Variants in FARS2 observed in about 807,000 individuals in gnomAD.
The protein encoded by FARS2 is phenylalanyl-tRNA synthetase 2, mitochondrial.
In FARS2, 40 loss-of-function variants were observed where a neutral mutation model predicts 46.4. The observed-to-expected ratio is 0.86, with a 90% CI of 0.67 to 1.12. The LOEUF is 1.12. FARS2 is among the 50% of genes most tolerant of loss of function. The pLI, the probability that FARS2 is intolerant of heterozygous loss-of-function variation, is 0.00. For missense variants in FARS2, 513 were observed against 567.9 expected (o/e 0.90, Z 0.98); for synonymous variants, 234 against 214.9 (o/e 1.09, Z -0.78).
intron 1 of FARS2, among the ~76,000 whole-genome samples, chr6:5,267,148 GT>G (rs1428185582): frequency 1.3e-5 from 1 of 79,988 alleles, no homozygotes; most frequent in Non-Finnish European, 2.2e-5. Flanking sequence ...ATTTCTAGAG[GT>G]TTTTTTTCTT....
At chr6:5,263,814 A>C (rs1279306609) in intron 1 of FARS2, among the ~76,000 whole-genome samples, 1 of 152,260 alleles carries the variant, frequency 6.6e-6, no homozygotes, top group Non-Finnish European at 1.5e-5. Context: ...AAATTTCTCT[A>C]ATCATAATAA....
chr6:5,255,388 T>C, the FARS2 span, among the ~76,000 whole-genome samples: 5 of 152,334 alleles, frequency 3.3e-5, no homozygotes, highest in South Asian at 1.0e-3. Flanking sequence ...AGACTTGCAC[T>C]AGTGTCAAAC....
intron 6 of FARS2, among the ~76,000 whole-genome samples, chr6:5,647,671 C>A (rs981104968): frequency 2.6e-5 from 4 of 152,174 alleles, no homozygotes; most frequent in African/African-American, 7.2e-5. Context: ...AAGCACCACA[C>A]CTTGAAATCA....
chr6:5,296,281 G>A (rs574854579), intron 1 of FARS2, among the ~76,000 whole-genome samples: 12 of 151,546 alleles, frequency 7.9e-5, no homozygotes, highest in South Asian at 6.3e-4. Context: ...AGCTGGGACT[G>A]CAGGTGCCCA....
At chr6:5,680,421 A>G (rs1328531535) in intron 6 of FARS2, among the ~76,000 whole-genome samples, 1 of 152,228 alleles carries the variant, frequency 6.6e-6, no homozygotes, top group African/African-American at 2.4e-5. Context: ...GATTTCTGGT[A>G]GGCATCTCTA....
chr6:5,422,378 C>T (rs550213575), intron 3 of FARS2, among the ~76,000 whole-genome samples: 1 of 149,524 alleles, frequency 6.7e-6, no homozygotes, highest in South Asian at 2.1e-4. Flanking sequence ...CTCTCTCTCT[C>T]TTTTTTTTTT....
chr6:5,255,329 G>C, the FARS2 span, among the ~76,000 whole-genome samples: 1 of 152,172 alleles, frequency 6.6e-6, no homozygotes, highest in Non-Finnish European at 1.5e-5. Flanking sequence ...ATTGTAGATA[G>C]CAACAAATAT....
intron 5 of FARS2, among the ~76,000 whole-genome samples, chr6:5,585,188 CAA>C: frequency 6.6e-6 from 1 of 152,020 alleles, no homozygotes; most frequent in East Asian, 1.9e-4. Flanking sequence ...ATTTAATTGA[CAA>C]AAATTTATAT....
chr6:5,687,256 G>A (rs1038372021), intron 6 of FARS2, among the ~76,000 whole-genome samples: 2 of 152,192 alleles, frequency 1.3e-5, no homozygotes, highest in African/African-American at 4.8e-5. Context: ...TGGTGTTTTA[G>A]ACACGAAGTC....
At chr6:5,516,528 AC>A (rs1466859411) in intron 4 of FARS2, among the ~76,000 whole-genome samples, 1 of 152,236 alleles carries the variant, frequency 6.6e-6, no homozygotes, top group Non-Finnish European at 1.5e-5. Context: ...GAACCTGGGC[AC>A]CTTTCTGATT....
rs1554184676 is a variant in FARS2, at chr6:5,432,527, A to ATATAT, written c.904+1356_904+1357insATATT. On this transcript the variant is annotated intron_variant, in intron 4 of 6. Transcript: ENST00000274680. ...TTTTATATCCCAATCATATATATATATTTTTTTTTTTCAGAGTATAAATCC... is the reference window on the plus strand; with the variant it reads ...TTTTATATCCCAATCATATATATATATATATTTTTTTTTTTTCAGAGTATAAATCC... 2.1e-3 allele frequency among the ~76,000 whole-genome samples: 103 copies of ATATAT among 49,390 alleles called. 1 individual carries two copies. Among genetic ancestry groups the ATATAT allele is most frequent in the Middle Eastern group, 0.016 (2 of 124 alleles). The allele number at this position is 49,390 out of a possible 152,430, so 32.4% of individuals were successfully genotyped here. A position where few individuals can be genotyped will look rare whatever the true frequency, so the allele number is the denominator to read the frequency against.
At chr6:5,478,387 C>T (rs1400638889) in intron 4 of FARS2, among the ~76,000 whole-genome samples, 1 of 152,200 alleles carries the variant, frequency 6.6e-6, no homozygotes, top group Non-Finnish European at 1.5e-5. Flanking sequence ...TATCTGATCT[C>T]ATCCTGACAG....
chr6:5,260,842 G>T, upstream of FARS2: 1 of 1,506,178 alleles, frequency 6.6e-7, no homozygotes, highest in South Asian at 1.2e-5. Flanking sequence ...AAAATGCTGC[G>T]GCTCGGCTTT....
At chr6:5,414,811 GTTTTTTTTTTTT>G (rs35210878) in intron 3 of FARS2, among the ~76,000 whole-genome samples, 1 of 86,680 alleles carries the variant, frequency 1.2e-5, no homozygotes, top group Non-Finnish European at 2.1e-5. Flanking sequence ...GTATATGACT[GTTTTTTTTTTTT>G]TTTTTTTTTT....
intron 4 of FARS2, among the ~76,000 whole-genome samples, chr6:5,483,522 C>G (rs909488560): frequency 6.6e-6 from 1 of 152,052 alleles, no homozygotes; most frequent in African/African-American, 2.4e-5. Context: ...CAAAAATTAA[C>G]CAAGCTTGAT....
At chr6:5,445,937 C>T (rs544584975) in intron 4 of FARS2, among the ~76,000 whole-genome samples, 1 of 152,272 alleles carries the variant, frequency 6.6e-6, no homozygotes, top group Non-Finnish European at 1.5e-5. Context: ...CGGTGGCTCA[C>T]GCCTGTAATC....
intron 4 of FARS2, among the ~76,000 whole-genome samples, chr6:5,476,507 G>A (rs974447765): frequency 6.6e-6 from 1 of 151,718 alleles, no homozygotes; most frequent in Non-Finnish European, 1.5e-5. Context: ...GAAGAGTATC[G>A]GTAGGTGACC....
chr6:5,546,509 C>T (rs536473196), intron 5 of FARS2, among the ~76,000 whole-genome samples: 152 of 150,508 alleles, frequency 1.0e-3, no homozygotes, highest in African/African-American at 3.5e-3. Context: ...CTTGGCCTCC[C>T]GAAGTGCTGG....
intron 6 of FARS2, among the ~76,000 whole-genome samples, chr6:5,679,509 C>T (rs1778924808): frequency 6.6e-6 from 1 of 152,146 alleles, no homozygotes; most frequent in Non-Finnish European, 1.5e-5. Context: ...CCTCCATCAC[C>T]CCTCTGTCAA....
Sources: gnomAD v4.1 joint callset for allele counts (sites outside exome capture counted in the v4.1 genomes callset) on GRCh38, gnomAD v4.1.1 for gene constraint, MANE v1.5 for transcripts, NCBI Gene and HGNC (gene_info 2026-07-23, HGNC 2026-07-21) for gene names.